RALYL: variants seen among roughly 807,000 people sequenced by gnomAD.
RALYL encodes the protein RALY RNA binding protein like.
In RALYL, 29 loss-of-function variants were observed where a neutral mutation model predicts 35.1. That is an observed-to-expected ratio of 0.83 (90% CI 0.61 to 1.13). RALYL has a LOEUF of 1.13. Ranked by LOEUF, RALYL falls within the 50% of genes most tolerant of loss-of-function variation. RALYL has a pLI of 0.00. For synonymous variants in RALYL, 120 were observed against 127.6 expected, an observed-to-expected ratio of 0.94 and a Z score of 0.40; for missense variants, 359 against 360.4, an observed-to-expected ratio of 1.00 and a Z score of 0.03.
chr8:84,459,790 G>A (rs2050543061), intron 1 of RALYL, among the ~76,000 whole-genome samples: 1 of 151,692 alleles, frequency 6.6e-6, no homozygotes, highest in African/African-American at 2.4e-5. Context: ...ATCATCTGTT[G>A]GGAAATGGCA....
chr8:84,372,884 C>CTTTTTT (rs1586678809), intron 1 of RALYL, among the ~76,000 whole-genome samples: 3 of 18,718 alleles, frequency 1.6e-4, no homozygotes, highest in East Asian at 1.4e-3. Context: ...ATGCCAGCAT[C>CTTTTTT]TGTTTTTTTT....
intron 5 of RALYL, among the ~76,000 whole-genome samples, chr8:84,854,269 C>A (rs1233881556): frequency 6.6e-6 from 1 of 151,760 alleles, no homozygotes; most frequent in East Asian, 1.9e-4. Flanking sequence ...TTGCTTGAAC[C>A]CAGGAGGCAG....
At chr8:84,542,890 G>C (rs187104295) in intron 2 of RALYL, among the ~76,000 whole-genome samples, 33 of 152,206 alleles carry the variant, frequency 2.2e-4, no homozygotes, top group Admixed American at 1.0e-3. Flanking sequence ...AAGATACAGA[G>C]ATTGAGATTC....
chr8:84,185,094 CTGTTG>C, intron 1 of RALYL: 2 of 1,491,244 alleles, frequency 1.3e-6, no homozygotes, highest in Non-Finnish European at 1.9e-6. Context: ...TTTTTTTTCC[CTGTTG>C]TGTTGCGTTG....
intron 2 of RALYL, chr8:84,706,008 T>C (rs1311872553): frequency 2.0e-6 from 3 of 1,535,052 alleles, no homozygotes; most frequent in Non-Finnish European, 2.6e-6. Context: ...TCTTAGAAAG[T>C]CTAATTTTTT....
intron 1 of RALYL, among the ~76,000 whole-genome samples, chr8:84,456,139 A>T (rs930519051): frequency 3.3e-5 from 5 of 152,032 alleles, no homozygotes; most frequent in African/African-American, 7.2e-5. Flanking sequence ...GGGCAGAGAG[A>T]CAAGCATGTA....
At chr8:84,900,573 G>A (rs1440446196) in intron 8 of RALYL, among the ~76,000 whole-genome samples, 2 of 152,036 alleles carry the variant, frequency 1.3e-5, no homozygotes, top group Non-Finnish European at 2.9e-5. Context: ...CAGCTACCTG[G>A]GAGGTTGAGG....
At chr8:84,497,035 T>C (rs1451341602) in intron 1 of RALYL, among the ~76,000 whole-genome samples, 2 of 152,182 alleles carry the variant, frequency 1.3e-5, no homozygotes, top group African/African-American at 4.8e-5. Flanking sequence ...CTCAATATTC[T>C]AATGCAAAAC....
Position 84,862,333 on chromosome 8 carries a change from C to A in RALYL, c.451C>A (p.Arg151Ser). 6.3e-7 allele frequency: 1 copy of A among 1,599,854 alleles called. No individual in the cohort carries two copies. The highest frequency in any genetic ancestry group is 2.3e-5 in the East Asian group (1 of 43,342). Reference protein sequence around the residue: ...DYHGRVPPPPRAVIPLKRPRV... With the variant: ...DYHGRVPPPPSAVIPLKRPRV... The stretch of plus-strand genomic sequence containing the variant: ...CCACGGGCGTGTGCCTCCACCTCCC[C>A]GTGCAGTAATTCCGCTGAAGCGTCC... The change falls in exon 6 of 9, where the codon CGT (arginine) becomes AGT (serine). Residue 151 changes from arginine to serine, a missense_variant. Arg to Ser is a moderately radical substitution (Grantham distance 110). Transcript: ENST00000521268.
intron 2 of RALYL, among the ~76,000 whole-genome samples, chr8:84,640,687 A>AAACTTACAG (rs1401066761): frequency 6.6e-6 from 1 of 151,996 alleles, no homozygotes; most frequent in Non-Finnish European, 1.5e-5. Flanking sequence ...AGCTGATGAA[A>AAACTTACAG]AAGCTGAAGG....
At chr8:84,393,197 G>A (rs549832713) in intron 1 of RALYL, among the ~76,000 whole-genome samples, 1 of 152,132 alleles carries the variant, frequency 6.6e-6, no homozygotes, top group East Asian at 1.9e-4. Flanking sequence ...CAATCAAGAA[G>A]TCACTCAGGC....
intron 2 of RALYL, among the ~76,000 whole-genome samples, chr8:84,573,717 C>A: frequency 6.6e-6 from 1 of 151,686 alleles, no homozygotes; most frequent in East Asian, 1.9e-4. Context: ...CACCATTTAT[C>A]TTTCTCTCTT....
chr8:84,845,795 T>G (rs1359640465), intron 4 of RALYL, among the ~76,000 whole-genome samples: 1 of 152,222 alleles, frequency 6.6e-6, no homozygotes, highest in Non-Finnish European at 1.5e-5. Context: ...ATTTAAATAT[T>G]CAATCTATCT....
intron 1 of RALYL, among the ~76,000 whole-genome samples, chr8:84,384,508 G>T (rs1489845149): frequency 6.6e-6 from 1 of 151,624 alleles, no homozygotes; most frequent in Non-Finnish European, 1.5e-5. Context: ...TTGAACTCTG[G>T]ATAAAGAATA....
At chr8:84,270,271 A>G (rs1017552239) in intron 1 of RALYL, among the ~76,000 whole-genome samples, 9 of 152,224 alleles carry the variant, frequency 5.9e-5, no homozygotes, top group Non-Finnish European at 1.0e-4. Context: ...AAGAAGGAGC[A>G]CAAATAATGG....
intron 1 of RALYL, 99 bp from the exon 2 acceptor site, chr8:84,529,200 G>A (rs1001243571): frequency 3.2e-6 from 4 of 1,240,154 alleles, no homozygotes; most frequent in Admixed American, 5.0e-5. Context: ...GGTTTCCTGA[G>A]TGTAATATTG....
At position 84,350,363 on chromosome 8, in the gene RALYL, G is replaced by A. The variant is rs1850663410; in HGVS notation, c.-24+165939G>A. Among the ~76,000 whole-genome samples, 3 of 150,562 alleles carry A rather than the reference G, an allele frequency of 2.0e-5. 1 individual carries two copies. The highest frequency in any genetic ancestry group is 4.9e-5 in the African/African-American group (2 of 40,606). On this transcript the variant is annotated intron_variant, in intron 1 of 8. Transcript: ENST00000521268. ...ACTGCAGAAATAGTTGCTGTTGAGT[G>A]CTGTTTTTCAAGTGTTTTTGTAAAA...
chr8:84,306,461 C>A (rs765843575), intron 1 of RALYL, among the ~76,000 whole-genome samples: 6 of 152,152 alleles, frequency 3.9e-5, no homozygotes, highest in Non-Finnish European at 7.3e-5. Context: ...ATCATGGATT[C>A]ATTGGCACAC....
chr8:84,376,831 A>C (rs968271863), intron 1 of RALYL, among the ~76,000 whole-genome samples: 4 of 151,812 alleles, frequency 2.6e-5, no homozygotes, highest in Admixed American at 2.6e-4. Flanking sequence ...CTGCAGTTCC[A>C]CATCATTCAC....
Sources: gnomAD v4.1 joint callset for allele counts (sites outside exome capture counted in the v4.1 genomes callset) on GRCh38, gnomAD v4.1.1 for gene constraint, MANE v1.5 for transcripts, NCBI Gene and HGNC (gene_info 2026-07-23, HGNC 2026-07-21) for gene names.